DISC1: variants seen among roughly 807,000 people sequenced by gnomAD.
DISC1 encodes DISC1 scaffold protein.
A neutral mutation model predicts 84.5 loss-of-function variants in DISC1; 57 were observed. That is an observed-to-expected ratio of 0.67 (90% confidence interval 0.55 to 0.84). The LOEUF (loss-of-function observed/expected upper bound fraction) is 0.84. Among genes scored for constraint, DISC1 ranks in the 40% least tolerant of loss-of-function variants. The pLI, the probability that DISC1 is intolerant of heterozygous loss-of-function variation, is 0.00. For synonymous variants in DISC1, 411 were observed against 415.2 expected, an observed-to-expected ratio of 0.99 and a Z score of 0.12; for missense variants, 1,000 against 1,057.8, an observed-to-expected ratio of 0.95 and a Z score of 0.76.
At chr1:231,827,661 G>A (rs928234639) in intron 9 of DISC1, among the ~76,000 whole-genome samples, 16 of 152,206 alleles carry the variant, frequency 1.1e-4, no homozygotes, top group African/African-American at 3.6e-4. Flanking sequence ...GCTGATGAAT[G>A]TTTTCCTGCC....
rs141803150 is a variant in DISC1 at position 231,637,710 on chromosome 1, T to C, written c.67+10776T>C. On this transcript the variant is annotated intron_variant, in intron 1 of 12. Coordinates refer to ENST00000439617, the MANE Select transcript of DISC1 (RefSeq NM_018662.3). ...TGGCTGAATAGTTTTCCCTTTTGTA[T>C]GTATACCGTATTTTCTTTATCCAGT... Among the ~76,000 whole-genome samples, 74 of 152,378 alleles carry C rather than the reference T, an allele frequency of 4.9e-4. 2 individuals carry two copies. In the East Asian group the frequency reaches 0.014, roughly 28 times the overall value.
chr1:231,717,005 A>G (rs1364024845), intron 3 of DISC1, among the ~76,000 whole-genome samples: 4 of 152,196 alleles, frequency 2.6e-5, no homozygotes, highest in Non-Finnish European at 4.4e-5. Flanking sequence ...GGCATGCCAG[A>G]AGAAAATCTT....
At position 231,688,989 on chromosome 1, in the gene DISC1, T is replaced by C. The variant is rs114034532; in HGVS notation, c.68-4837T>C. 3.6e-3 allele frequency among the ~76,000 whole-genome samples: 551 copies of C among 152,320 alleles called. 4 individuals are homozygous for C. The highest frequency in any genetic ancestry group is 0.012 in the African/African-American group (510 of 41,566). ...CTTTGGCTCAGTAGAGTGTTTGTGC[T>C]TAGTGCCTATTACTGGATTCTGATT... is the stretch of plus-strand genomic sequence containing the variant. On this transcript the variant is annotated intron_variant, in intron 1 of 12. Coordinates refer to ENST00000439617, the MANE Select transcript of DISC1 (RefSeq NM_018662.3).
intron 9 of DISC1, among the ~76,000 whole-genome samples, chr1:231,849,201 A>C (rs2083691533): frequency 6.7e-6 from 1 of 150,170 alleles, no homozygotes; most frequent in African/African-American, 2.5e-5. Context: ...GCTCACTGCA[A>C]CCTCTGCCTC....
intron 4 of DISC1, among the ~76,000 whole-genome samples, chr1:231,758,483 A>C (rs186699634): frequency 1.4e-3 from 219 of 152,228 alleles, no homozygotes; most frequent in African/African-American, 5.0e-3. Flanking sequence ...CTAGATGGCC[A>C]ACAGGTGGGT....
chr1:231,902,083 A>C (rs1209854753), intron 9 of DISC1, among the ~76,000 whole-genome samples: 1 of 152,002 alleles, frequency 6.6e-6, no homozygotes, highest in Non-Finnish European at 1.5e-5. Context: ...TTGTCCTCAT[A>C]AAATCAGTAC....
At chr1:231,628,232 A>G (rs768915678) in intron 1 of DISC1, among the ~76,000 whole-genome samples, 1 of 152,164 alleles carries the variant, frequency 6.6e-6, no homozygotes, top group Non-Finnish European at 1.5e-5. Context: ...AGCAAAAAGA[A>G]CCGTGGACAA....
chr1:231,802,832 A>G (rs1290169367), intron 8 of DISC1, among the ~76,000 whole-genome samples: 3 of 151,972 alleles, frequency 2.0e-5, no homozygotes, highest in African/African-American at 4.8e-5. Context: ...TTTTGCCACT[A>G]CAAGGATCTT....
At chr1:231,959,133 A>G in intron 10 of DISC1, 1 of 1,192,188 alleles carries the variant, frequency 8.4e-7, no homozygotes, top group South Asian at 2.9e-5. Context: ...GAGAGTTTTC[A>G]TGTTCCATAA....
intron 9 of DISC1, among the ~76,000 whole-genome samples, chr1:231,903,252 G>A (rs965008358): frequency 2.0e-5 from 3 of 152,022 alleles, no homozygotes; most frequent in African/African-American, 4.8e-5. Context: ...GTGGATACCA[G>A]TCATCAGATT....
intron 9 of DISC1, among the ~76,000 whole-genome samples, chr1:231,935,510 C>T (rs184365449): frequency 9.2e-4 from 140 of 152,248 alleles, no homozygotes; most frequent in Admixed American, 4.1e-3. Flanking sequence ...TTTCAGGAAA[C>T]GTAATCAGTG....
At chr1:231,721,762 C>T (rs1247769170) in intron 3 of DISC1, among the ~76,000 whole-genome samples, 1 of 151,658 alleles carries the variant, frequency 6.6e-6, no homozygotes, top group Non-Finnish European at 1.5e-5. Context: ...GTTATTAGTC[C>T]AGTAAGATTT....
At chr1:232,002,605 ACACACAC>A (rs1394767822) in intron 10 of DISC1, among the ~76,000 whole-genome samples, 1 of 75,168 alleles carries the variant, frequency 1.3e-5, no homozygotes, top group East Asian at 2.6e-4. Context: ...GCACACACAC[ACACACAC>A]ACACACACAC....
At position 232,009,356 on chromosome 1, in the gene DISC1, T is replaced by A; in HGVS notation, c.2307+307T>A. 3.2e-5 allele frequency: 28 copies of A among 884,412 alleles called. No individual in the cohort carries two copies. The highest frequency in any genetic ancestry group is 3.8e-5 in the Non-Finnish European group (27 of 704,862). The allele number at this position is 884,412 out of a possible 1,614,324, so 54.8% of individuals were successfully genotyped here. A position where few individuals can be genotyped will look rare whatever the true frequency, so the allele number is the denominator to read the frequency against. ...CCATATATAGCATACATTATATATG[T>A]CATATATAATATAGTTATTATATTC... On this transcript the variant is annotated intron_variant, in intron 11 of 12. Coordinates refer to ENST00000439617, the MANE Select transcript of DISC1 (RefSeq NM_018662.3). The surrounding 1 kb of genome is among the most constrained non-coding windows in gnomAD (Gnocchi z 4.6).
chr1:231,967,153 G>A (rs932747073), intron 10 of DISC1, among the ~76,000 whole-genome samples: 8 of 152,224 alleles, frequency 5.3e-5, no homozygotes, highest in African/African-American at 1.9e-4. Context: ...AACTCACCCT[G>A]CTAATGAATG....
chr1:231,841,141 A>G (rs777265007), intron 9 of DISC1, among the ~76,000 whole-genome samples: 2 of 152,234 alleles, frequency 1.3e-5, no homozygotes, highest in Non-Finnish European at 2.9e-5. Context: ...GCATTTTCAA[A>G]TTAGAGATTC....
rs201600649 is a variant in DISC1, at chr1:231,694,215, T to C, written c.457T>C (p.Ser153Pro). 89 of 1,614,052 alleles carry C rather than the reference T, an allele frequency of 5.5e-5. No individual in the cohort carries two copies. Among genetic ancestry groups the C allele is most frequent in the Non-Finnish European group, 7.2e-5 (85 of 1,180,042 alleles). The change falls in exon 2 of 13, where the codon TCT becomes CCT. Residue 153 changes from serine (S) to proline (P), a missense_variant. By Grantham distance (74) the Ser-to-Pro change is moderately conservative. Around this residue, in one of 3 missense-constraint regions of DISC1, gnomAD observed 292 missense variants for 280.2 expected, o/e 1.04. Transcript: ENST00000439617. Reference protein sequence around the residue: ...WQQEFAAMDSSETLDASWEAA... With the variant: ...WQQEFAAMDSPETLDASWEAA... ...GCAAGAGTTTGCAGCCATGGATAGT[T>C]CTGAGACCCTGGACGCCAGCTGGGA...
chr1:231,713,875 GC>G (rs1460228208), intron 3 of DISC1, among the ~76,000 whole-genome samples: 1 of 144,950 alleles, frequency 6.9e-6, no homozygotes, highest in East Asian at 2.0e-4. Flanking sequence ...ATATATATCT[GC>G]TTTCACTGTT....
At position 231,675,551 on chromosome 1, in the gene DISC1, C is replaced by T. The variant is rs955281494; in HGVS notation, c.68-18275C>T. On this transcript the variant is annotated intron_variant, in intron 1 of 12. Transcript: ENST00000439617. The surrounding 1 kb of genome is among the most constrained non-coding windows in gnomAD (Gnocchi z 4.1). ...ACATGTACATTTACTCTCAAAATTT[C>T]CTGGGCTAGTAGGTCTCTCAAGGTG... Among the ~76,000 whole-genome samples the T allele has an allele frequency of 1.3e-5, 2 of 152,166 alleles. No homozygotes were observed. The highest frequency in any genetic ancestry group is 2.4e-5 in the African/African-American group (1 of 41,434).
Sources: allele counts gnomAD v4.1 joint callset (sites outside exome capture counted in the v4.1 genomes callset), GRCh38; gene constraint gnomAD v4.1.1; regional missense constraint gnomAD v4.1.1; non-coding constraint Gnocchi (gnomAD v3.1); transcripts MANE v1.5; gene names NCBI Gene and HGNC (gene_info 2026-07-23, HGNC 2026-07-21).